Variants in DLG2 observed in about 807,000 individuals in gnomAD.
DLG2 encodes discs large MAGUK scaffold protein 2, also known as disks large homolog 2.
Under a neutral mutation model 132.5 loss-of-function variants are expected in DLG2, and 45 were observed. The observed-to-expected ratio is 0.34, with a 90% CI of 0.27 to 0.44. The LOEUF is 0.44. Ranked by LOEUF, DLG2 falls within the 20% of genes least tolerant of loss-of-function variation. The probability of loss-of-function intolerance (pLI) is 1.00; values close to 1 mark genes in which losing one functional copy is unlikely to be tolerated. For synonymous variants in DLG2, 424 were observed against 419.6 expected, an observed-to-expected ratio of 1.01 and a Z score of -0.13; for missense variants, 1,045 against 1,196.9, an observed-to-expected ratio of 0.87 and a Z score of 1.87.
intron 6 of DLG2, among the ~76,000 whole-genome samples, chr11:84,711,770 G>GTC (rs1271354722): frequency 6.6e-6 from 1 of 151,870 alleles, no homozygotes; most frequent in Non-Finnish European, 1.5e-5. Context: ...GCTTTATTGG[G>GTC]TCTACCAATT....
chr11:83,597,557 C>T (rs2057803310), intron 19 of DLG2, among the ~76,000 whole-genome samples: 1 of 151,816 alleles, frequency 6.6e-6, no homozygotes, highest in Non-Finnish European at 1.5e-5. Flanking sequence ...ATTATCCAGT[C>T]ATGGTAGTGT....
intron 2 of DLG2, among the ~76,000 whole-genome samples, chr11:85,619,044 C>G (rs2081528214): frequency 6.6e-6 from 1 of 152,212 alleles, no homozygotes; most frequent in Non-Finnish European, 1.5e-5. Context: ...TCATAGCAAA[C>G]TCCTAATCAG....
chr11:85,130,263 T>C lies in DLG2; in HGVS notation c.283-18528A>G, dbSNP rs1340644999. On this transcript the variant is annotated intron_variant, in intron 5 of 27. Transcript: ENST00000376104. ...ATCCTTTTATATTACCATTATACAA[T>C]TATATTTTCTAGATTTATCAGCATC... 4.6e-5 allele frequency among the ~76,000 whole-genome samples: 7 copies of C among 152,280 alleles called. No homozygotes were observed. The East Asian group carries it at 1.2e-3, about 25-fold the overall frequency.
intron 7 of DLG2, among the ~76,000 whole-genome samples, chr11:84,311,051 G>A (rs1167520660): frequency 6.6e-6 from 1 of 151,836 alleles, no homozygotes; most frequent in Non-Finnish European, 1.5e-5. Context: ...TATTTTACAT[G>A]ATTTTTTTTT....
rs1185146090 is a variant in DLG2 at position 85,122,829 on chromosome 11, T to TATATATACACACACACAC, written c.283-11112_283-11095dup. Among the ~76,000 whole-genome samples, 27 of 150,236 alleles carry TATATATACACACACACAC rather than the reference T, an allele frequency of 1.8e-4. No homozygotes were observed. The East Asian group carries it at 4.9e-3, about 27-fold the overall frequency. ...TTGTGATATACATGCAAATTATATA[T>TATATATACACACACACAC]ATATATACACACACACACATAAATG... is the stretch of plus-strand genomic sequence containing the variant. On this transcript the variant is annotated intron_variant, in intron 5 of 27. Coordinates refer to ENST00000376104, the MANE Select transcript of DLG2 (RefSeq NM_001142699.3).
intron 6 of DLG2, among the ~76,000 whole-genome samples, chr11:85,077,574 G>A (rs781448002): frequency 6.6e-6 from 1 of 151,816 alleles, no homozygotes; most frequent in Admixed American, 6.6e-5. Context: ...ATGGAAAGTT[G>A]AACCTCACTC....
intron 11 of DLG2, among the ~76,000 whole-genome samples, chr11:83,996,079 A>G (rs2094005185): frequency 1.3e-5 from 2 of 152,324 alleles, no homozygotes; most frequent in South Asian, 4.1e-4. Context: ...TACCCATTTG[A>G]CAAGTGATTA....
chr11:84,514,150 C>T (rs1402950978), intron 7 of DLG2, among the ~76,000 whole-genome samples: 1 of 152,058 alleles, frequency 6.6e-6, no homozygotes, highest in Non-Finnish European at 1.5e-5. Context: ...GATATTATCT[C>T]ACTCAAGTTA....
At chr11:85,430,060 G>A (rs577852471) in intron 3 of DLG2, among the ~76,000 whole-genome samples, 2 of 152,076 alleles carry the variant, frequency 1.3e-5, no homozygotes, top group African/African-American at 4.8e-5. Context: ...CCTTTGTAAG[G>A]ACATGGATGA....
chr11:84,900,741 A>G (rs983403177), intron 6 of DLG2, among the ~76,000 whole-genome samples: 2 of 152,060 alleles, frequency 1.3e-5, no homozygotes, highest in African/African-American at 2.4e-5. Flanking sequence ...ACATTTAAAA[A>G]TGATCTTCTG....
At chr11:84,692,563 C>T (rs1452357931) in intron 6 of DLG2, among the ~76,000 whole-genome samples, 2 of 151,622 alleles carry the variant, frequency 1.3e-5, no homozygotes, top group Admixed American at 6.6e-5. Flanking sequence ...TGCCTGAAAC[C>T]ACTACTTTAT....
chr11:85,146,189 T>C (rs1015319556), intron 5 of DLG2, among the ~76,000 whole-genome samples: 2 of 151,438 alleles, frequency 1.3e-5, no homozygotes, highest in African/African-American at 4.9e-5. Flanking sequence ...CACTTCTCAC[T>C]TTCCCCAAAC....
intron 7 of DLG2, among the ~76,000 whole-genome samples, chr11:84,488,490 T>G (rs2099156491): frequency 6.6e-6 from 1 of 152,140 alleles, no homozygotes; most frequent in Non-Finnish European, 1.5e-5. Context: ...TTCCAAGCTG[T>G]GACTCATCCA....
At chr11:84,681,473 T>A (rs2099729771) in intron 6 of DLG2, among the ~76,000 whole-genome samples, 1 of 152,098 alleles carries the variant, frequency 6.6e-6, no homozygotes, top group Non-Finnish European at 1.5e-5. Context: ...GTAATATACA[T>A]TAGGAAGTGG....
chr11:84,808,609 C>G (rs1450438112), intron 6 of DLG2, among the ~76,000 whole-genome samples: 2 of 151,814 alleles, frequency 1.3e-5, no homozygotes, highest in Non-Finnish European at 2.9e-5. Flanking sequence ...TTACAAATAT[C>G]AGAAATGAAA....
intron 10 of DLG2, among the ~76,000 whole-genome samples, chr11:84,067,131 G>A (rs1243566614): frequency 2.0e-5 from 3 of 151,966 alleles, no homozygotes; most frequent in African/African-American, 4.8e-5. Flanking sequence ...TCAGGAGTTC[G>A]AGACCAGCCA....
intron 7 of DLG2, among the ~76,000 whole-genome samples, chr11:84,318,976 T>C (rs1352914082): frequency 1.3e-5 from 2 of 152,190 alleles, no homozygotes; most frequent in Non-Finnish European, 2.9e-5. Flanking sequence ...AATAATAATA[T>C]TTAATTCAGC....
intron 2 of DLG2, among the ~76,000 whole-genome samples, chr11:85,600,249 TCAAGGAAATTGTTC>T (rs780635228): frequency 5.7e-4 from 87 of 152,368 alleles, no homozygotes; most frequent in Middle Eastern, 3.4e-3. Flanking sequence ...TCTTGCTTAC[TCAAGGAAATTGTTC>T]CATTATCAAT....
intron 6 of DLG2, among the ~76,000 whole-genome samples, chr11:84,709,408 A>C (rs923906288): frequency 1.6e-4 from 24 of 152,020 alleles, no homozygotes; most frequent in African/African-American, 5.3e-4. Context: ...AGTAAGAGAA[A>C]GAAAACTAAT....
Sources: gnomAD v4.1 joint callset for allele counts (sites outside exome capture counted in the v4.1 genomes callset) on GRCh38, gnomAD v4.1.1 for gene constraint, MANE v1.5 for transcripts, NCBI Gene and HGNC (gene_info 2026-07-23, HGNC 2026-07-21) for gene names.